Variants in PHLPP1 observed in about 807,000 individuals in gnomAD.
The protein encoded by PHLPP1 is PH domain and leucine rich repeat protein phosphatase 1, also known as PH domain leucine-rich repeat-containing protein phosphatase 1.
A neutral mutation model predicts 117.2 loss-of-function variants in PHLPP1; 42 were observed. The observed-to-expected ratio is 0.36, with a 90% CI of 0.28 to 0.46. PHLPP1 has a LOEUF of 0.46. PHLPP1 is among the 20% of genes least tolerant of loss of function. The pLI, the probability that PHLPP1 is intolerant of heterozygous loss-of-function variation, is 1.00. For missense variants in PHLPP1, 2,084 were observed against 2,241.9 expected (o/e 0.93, Z 1.42); for synonymous variants, 1,042 against 970.7 (o/e 1.07, Z -1.37).
intron 1 of PHLPP1, among the ~76,000 whole-genome samples, chr18:62,768,816 C>G (rs1035219231): frequency 6.6e-6 from 1 of 152,082 alleles, no homozygotes; most frequent in Non-Finnish European, 1.5e-5. Context: ...AGAGCAAATA[C>G]CGGAAACTGG....
At chr18:62,898,015 C>T (rs114652262) in intron 6 of PHLPP1, among the ~76,000 whole-genome samples, 1 of 144,516 alleles carries the variant, frequency 6.9e-6, no homozygotes, top group African/African-American at 2.5e-5. Flanking sequence ...TTCCTCCTCC[C>T]TTCTCCTCTT....
rs548237823 is a variant in PHLPP1 at position 62,865,084 on chromosome 18, G to A, written c.2066+4483G>A. On this transcript the variant is annotated intron_variant, in intron 4 of 16. Coordinates refer to ENST00000262719, the MANE Select transcript of PHLPP1 (RefSeq NM_194449.4). ...CAGTCCTATAATCCCAACACTTTGGGAAACTGAGGCAGGAAGCTGGCTTGA... is the reference window on the plus strand; with the variant it reads ...CAGTCCTATAATCCCAACACTTTGGAAAACTGAGGCAGGAAGCTGGCTTGA... 2.0e-5 allele frequency among the ~76,000 whole-genome samples: 3 copies of A among 152,308 alleles called. No individual in the cohort carries two copies. The East Asian group carries it at 5.8e-4, about 29-fold the overall frequency.
intron 10 of PHLPP1, among the ~76,000 whole-genome samples, chr18:62,939,638 C>CTTT (rs11373386): frequency 1.3e-4 from 19 of 143,666 alleles, no homozygotes; most frequent in Middle Eastern, 3.7e-3. Context: ...CTCTAACTTC[C>CTTT]TTTTTTTTTT....
At chr18:62,761,615 A>G (rs1912237575) in intron 1 of PHLPP1, among the ~76,000 whole-genome samples, 1 of 151,986 alleles carries the variant, frequency 6.6e-6, no homozygotes, top group Non-Finnish European at 1.5e-5. Context: ...CCTGGGTGAC[A>G]GAGCGAGACT....
intron 10 of PHLPP1, among the ~76,000 whole-genome samples, chr18:62,927,696 A>T (rs1039593967): frequency 7.2e-5 from 11 of 152,192 alleles, no homozygotes. Context: ...ATTATTTGAA[A>T]AAGTTAGAGA....
At chr18:62,814,987 C>T (rs1036802165) in intron 1 of PHLPP1, among the ~76,000 whole-genome samples, 3 of 152,084 alleles carry the variant, frequency 2.0e-5, no homozygotes, top group Non-Finnish European at 4.4e-5. Context: ...AATGGCTTAG[C>T]TTAGTGGTTT....
intron 4 of PHLPP1, among the ~76,000 whole-genome samples, chr18:62,890,664 T>C (rs986809289): frequency 6.6e-6 from 1 of 152,204 alleles, no homozygotes; most frequent in African/African-American, 2.4e-5. Context: ...TAAATTTGTT[T>C]GCACAAATGA....
In PHLPP1 at chr18:62,861,054, C is replaced by A. The variant is rs562177920; in HGVS notation, c.2066+453C>A. ...TTTAAATCAACTTACATCATGTCAT[C>A]TGGGTGATTAGTGTGTGGGTTTCAG... is the stretch of plus-strand genomic sequence containing the variant. On this transcript the variant is annotated intron_variant, in intron 4 of 16. Transcript: ENST00000262719. Among the ~76,000 whole-genome samples the A allele has an allele frequency of 3.3e-5, 5 of 152,218 alleles. No individual in the cohort carries two copies. In the East Asian group the frequency reaches 9.6e-4, roughly 29 times the overall value.
At chr18:62,897,958 G>T (rs1203127151) in intron 6 of PHLPP1, among the ~76,000 whole-genome samples, 3 of 96,576 alleles carry the variant, frequency 3.1e-5, no homozygotes, top group Non-Finnish European at 5.6e-5. Context: ...TCTTTGCATT[G>T]ATGTTGTTTG....
chr18:62,740,805 G>A (rs115381815), intron 1 of PHLPP1, among the ~76,000 whole-genome samples: 398 of 152,040 alleles, frequency 2.6e-3, no homozygotes, highest in African/African-American at 8.9e-3. Context: ...GACCCCATAC[G>A]TACTAAAAAT....
intron 1 of PHLPP1, among the ~76,000 whole-genome samples, chr18:62,722,317 G>A (rs1378189052): frequency 6.6e-6 from 1 of 152,168 alleles, no homozygotes; most frequent in Non-Finnish European, 1.5e-5. Context: ...ATTTTGTTAT[G>A]TGCCAGGGTT....
Position 62,860,431 on chromosome 18 carries a change from T to C in PHLPP1, c.1900-4T>C. On this transcript the variant is annotated splice_polypyrimidine_tract_variant and splice_region_variant and intron_variant, in intron 3 of 16. Transcript: ENST00000262719. ...TATTAAAATTAAGTTTTATCCCCCT[T>C]TAGGTTGCATCCCAGCGCATTAGCT... 6.2e-7 allele frequency: 1 copy of C among 1,613,592 alleles called. No individual in the cohort carries two copies. The highest frequency in any genetic ancestry group is 8.5e-7 in the Non-Finnish European group (1 of 1,179,598).
intron 1 of PHLPP1, among the ~76,000 whole-genome samples, chr18:62,751,296 G>A (rs1352421427): frequency 2.6e-5 from 4 of 152,292 alleles, no homozygotes; most frequent in African/African-American, 9.6e-5. Context: ...TTCCCTGTCC[G>A]AACTGTCTCT....
rs1204903848 is a variant in PHLPP1, at chr18:62,905,302, A to C, written c.2708+18A>C. ...GTTTCAAGGTAAGAAGTCAAGTCTT[A>C]GAGCCCTCTAGAGTCTACTAGAAAA... On this transcript the variant is annotated intron_variant, in intron 8 of 16. Coordinates refer to ENST00000262719, the MANE Select transcript of PHLPP1 (RefSeq NM_194449.4). The C allele has an allele frequency of 3.0e-6, 4 of 1,325,450 alleles. No homozygotes were observed. In the African/African-American group the frequency reaches 5.9e-5, roughly 20 times the overall value. The allele number at this position is 1,325,450 out of a possible 1,614,324, so 82.1% of individuals were successfully genotyped here.
At chr18:62,734,092 A>G (rs1911300089) in intron 1 of PHLPP1, among the ~76,000 whole-genome samples, 1 of 152,230 alleles carries the variant, frequency 6.6e-6, no homozygotes, top group South Asian at 2.1e-4. Flanking sequence ...ACAGTAGCCT[A>G]GAGTACACTG....
chr18:62,824,529 G>A (rs1914555360), intron 1 of PHLPP1, among the ~76,000 whole-genome samples: 1 of 152,108 alleles, frequency 6.6e-6, no homozygotes, highest in South Asian at 2.1e-4. Context: ...TGAGGAAACG[G>A]CAGTGATCAA....
At chr18:62,943,784 G>A (rs1012420565) in intron 11 of PHLPP1, among the ~76,000 whole-genome samples, 1 of 152,030 alleles carries the variant, frequency 6.6e-6, no homozygotes, top group South Asian at 2.1e-4. Context: ...ATTTGGAGGG[G>A]ACAAATAATC....
chr18:62,920,044 G>A lies in PHLPP1; in HGVS notation c.2890G>A (p.Val964Met). Reference protein sequence around the residue: ...RLPERLERTSVEVLDVQHNQL... With the variant: ...RLPERLERTSMEVLDVQHNQL... ...GCCTGAAAGGCTAGAAAGAACCTCG[G>A]TGGAGGTCTTGGATGTGCAACACAA... is the stretch of plus-strand genomic sequence containing the variant. The change falls in exon 10 of 17, where the codon GTG (valine) becomes ATG (methionine). Residue 964 changes from valine (V) to methionine (M), a missense_variant. Transcript: ENST00000262719. 1 of 1,613,320 alleles carries A rather than the reference G, an allele frequency of 6.2e-7. No homozygotes were observed. Among genetic ancestry groups the A allele is most frequent in the East Asian group, 2.2e-5 (1 of 44,874 alleles).
rs1354500038 is a variant in PHLPP1, at chr18:62,725,638, G to A, written c.1576+8379G>A. Among the ~76,000 whole-genome samples, 3 of 150,640 alleles carry A rather than the reference G, an allele frequency of 2.0e-5. No homozygotes were observed. The East Asian group carries it at 5.8e-4, about 29-fold the overall frequency. Reference sequence around the variant, plus strand: ...TCTCTCTTTCTGTCTCTTAAAAAAAGAGAGAGAGAGAGAGAAAGAAATATC... The same window carrying A: ...TCTCTCTTTCTGTCTCTTAAAAAAAAAGAGAGAGAGAGAGAAAGAAATATC... On this transcript the variant is annotated intron_variant, in intron 1 of 16. Transcript: ENST00000262719.
Sources: gnomAD v4.1 joint callset for allele counts (sites outside exome capture counted in the v4.1 genomes callset) on GRCh38, gnomAD v4.1.1 for gene constraint, MANE v1.5 for transcripts, NCBI Gene and HGNC (gene_info 2026-07-23, HGNC 2026-07-21) for gene names.